Variants in STK40 observed in about 807,000 individuals in gnomAD.
STK40 encodes serine/threonine kinase 40.
STK40 carries 13 observed loss-of-function variants against 47.9 expected under a neutral mutation model. The ratio of observed to expected loss-of-function variants is 0.27; its 90% CI spans 0.18 to 0.43. STK40 has a LOEUF of 0.43. STK40 is among the 20% of genes least tolerant of loss of function. The probability of loss-of-function intolerance (pLI) is 1.00; values close to 1 mark genes in which losing one functional copy is unlikely to be tolerated. For synonymous variants in STK40, 225 were observed against 243.2 expected (o/e 0.93, Z 0.69); for missense variants, 460 against 595.1 (o/e 0.77, Z 2.36).
intron 1 of STK40, among the ~76,000 whole-genome samples, chr1:36,372,096 C>T (rs1646953280): frequency 1.3e-5 from 2 of 152,142 alleles, no homozygotes; most frequent in Admixed American, 1.3e-4. Context: ...TGGTTGAATC[C>T]ACAGACGTAG....
chr1:36,355,847 TTAGAA>T (rs1380909545), intron 4 of STK40, among the ~76,000 whole-genome samples: 1 of 152,128 alleles, frequency 6.6e-6, no homozygotes, highest in East Asian at 1.9e-4. Context: ...ATGGCGGAAG[TTAGAA>T]AGAGGTCAAT....
chr1:36,355,536 G>A (rs1405139336), intron 4 of STK40, 103 bp from the exon 5 acceptor site: 3 of 1,276,248 alleles, frequency 2.4e-6, no homozygotes, highest in South Asian at 2.5e-5. Flanking sequence ...ACCAGTGAGG[G>A]AGCCTGGAAT....
chr1:36,362,973 T>C (rs113259646), intron 1 of STK40, among the ~76,000 whole-genome samples: 1 of 152,260 alleles, frequency 6.6e-6, no homozygotes, highest in African/African-American at 2.4e-5. Flanking sequence ...CTGGCCAACA[T>C]GGTGAAACCC....
chr1:36,350,169 C>T (rs899994101), intron 6 of STK40, among the ~76,000 whole-genome samples: 2 of 152,214 alleles, frequency 1.3e-5, no homozygotes, highest in African/African-American at 4.8e-5. Context: ...TGTCAGCTGC[C>T]ATAGGAGTCT....
rs1646796261 is a variant in STK40, at chr1:36,355,533, A to G, written c.343-100T>C. On this transcript the variant is annotated intron_variant, in intron 4 of 10. Coordinates refer to ENST00000373132, the MANE Select transcript of STK40 (RefSeq NM_001282547.2). ...CTGGAGTGGGACACTCAAACCAGTG[A>G]GGGAGCCTGGAATTAGCCTGCATGT... The G allele has an allele frequency of 9.3e-6, 12 of 1,294,298 alleles. 1 individual carries two copies. In the South Asian group the frequency reaches 1.4e-4, roughly 15 times the overall value. The allele number at this position is 1,294,298 out of a possible 1,614,324, so 80.2% of individuals were successfully genotyped here.
intron 1 of STK40, chr1:36,368,066 T>C (rs1646916364): frequency 6.2e-6 from 1 of 162,218 alleles, no homozygotes; most frequent in Non-Finnish European, 1.3e-5. Context: ...CCGAAGGACA[T>C]AGCTTCTGGG....
chr1:36,361,311 T>C lies in STK40; in HGVS notation c.22A>G (p.Arg8Gly), dbSNP rs1187320072. The change falls in exon 2 of 11, where the codon AGA (arginine) becomes GGA (glycine). Residue 8 changes from arginine (R) to glycine (G), a missense_variant. Physicochemically the swap from Arg to Gly is moderately radical, Grantham distance 125. Around this residue, in one of 3 missense-constraint regions of STK40, gnomAD observed 277 missense variants for 358.7 expected, o/e 0.77. Coordinates refer to ENST00000373132, the MANE Select transcript of STK40 (RefSeq NM_001282547.2). MKRRASD[R>G]GAGETSARAK... is the part of the protein sequence containing the mutation. ...CTGGCCGACGTTTCCCCAGCTCCTC[T>C]GTCTGATGCTCTCCGCTTCATTCTC... is the stretch of plus-strand genomic sequence containing the variant. The C allele has an allele frequency of 6.2e-7, 1 of 1,614,250 alleles. No individual in the cohort carries two copies. Among genetic ancestry groups the C allele is most frequent in the East Asian group, 2.2e-5 (1 of 44,892 alleles).
At chr1:36,352,595 AG>A (rs1220571493) in intron 6 of STK40, among the ~76,000 whole-genome samples, 1 of 152,200 alleles carries the variant, frequency 6.6e-6, no homozygotes, top group Non-Finnish European at 1.5e-5. Context: ...CAGCCAGTCC[AG>A]GGTTCAAGCA....
chr1:36,378,156 A>AT (rs1257721924), intron 1 of STK40, among the ~76,000 whole-genome samples: 1 of 152,026 alleles, frequency 6.6e-6, no homozygotes, highest in Non-Finnish European at 1.5e-5. Flanking sequence ...GGCAGTTTCC[A>AT]TTTTTCAGGC....
At position 36,384,757 on chromosome 1, in the gene STK40, C is replaced by T. The variant is rs976110464; in HGVS notation, c.-9+966G>A. On this transcript the variant is annotated intron_variant, in intron 1 of 10. Transcript: ENST00000373132. ...AACCCAACCAACAACTTGCACAGCA[C>T]GGCCATTAGGAAGCACTAAAGGAGC... Among the ~76,000 whole-genome samples the T allele has an allele frequency of 4.6e-4, 70 of 152,222 alleles. 1 individual carries two copies. Among genetic ancestry groups the T allele is most frequent in the Non-Finnish European group, 2.9e-5 (2 of 68,034 alleles).
At chr1:36,356,096 G>C (rs1646801023) in intron 4 of STK40, among the ~76,000 whole-genome samples, 1 of 152,148 alleles carries the variant, frequency 6.6e-6, no homozygotes, top group Non-Finnish European at 1.5e-5. Context: ...CAGGTCTCTA[G>C]TTCCTCATCG....
intron 7 of STK40, among the ~76,000 whole-genome samples, chr1:36,346,259 G>T (rs1259397587): frequency 6.6e-6 from 1 of 152,012 alleles, no homozygotes; most frequent in East Asian, 1.9e-4. Flanking sequence ...CTCCCAAAAT[G>T]TTGGGATTAC....
At chr1:36,383,413 G>A (rs190041409) in intron 1 of STK40, among the ~76,000 whole-genome samples, 104 of 152,380 alleles carry the variant, frequency 6.8e-4, no homozygotes, top group African/African-American at 2.5e-3. Context: ...ACATGTGCCA[G>A]GCACTTCTGC....
At chr1:36,352,703 A>T (rs548417449) in intron 6 of STK40, among the ~76,000 whole-genome samples, 32 of 152,184 alleles carry the variant, frequency 2.1e-4, no homozygotes, top group African/African-American at 7.7e-4. Context: ...ATCCCAACTC[A>T]TCCTTCACGA....
At chr1:36,368,772 T>C (rs536426848) in intron 1 of STK40, among the ~76,000 whole-genome samples, 12 of 152,288 alleles carry the variant, frequency 7.9e-5, no homozygotes, top group Admixed American at 2.6e-4. Flanking sequence ...AAAGACATGA[T>C]TGGACAACTG....
chr1:36,365,571 C>T (rs1646894872), intron 1 of STK40, among the ~76,000 whole-genome samples: 1 of 152,216 alleles, frequency 6.6e-6, no homozygotes, highest in African/African-American at 2.4e-5. Flanking sequence ...GTGTCATTCA[C>T]ATAAAAGCAG....
Position 36,343,864 on chromosome 1 carries a change from A to G in STK40, c.1000T>C (p.Ser334Pro). Residue 334 changes from serine to proline, a missense_variant, in exon 9 of 11, where the codon TCA becomes CCA. This residue lies in a region of STK40 where 181 missense variants were observed against 218.9 expected (regional missense o/e 0.83). Coordinates refer to ENST00000373132, the MANE Select transcript of STK40 (RefSeq NM_001282547.2). ...GTCAAGTGCCTGTCCACTTACCATG[A>G]TGCAATGATGGCACTGAGGGCCTCC... The part of the protein sequence containing the change: ...VLEALSAIIA[S>P]WQSLSSLSGP... 1 of 1,591,274 alleles carries G rather than the reference A, an allele frequency of 6.3e-7. No individual in the cohort carries two copies. Among genetic ancestry groups the G allele is most frequent in the Non-Finnish European group, 8.6e-7 (1 of 1,164,520 alleles).
chr1:36,356,668 G>A (rs553654634), intron 4 of STK40, among the ~76,000 whole-genome samples: 14 of 151,876 alleles, frequency 9.2e-5, no homozygotes, highest in South Asian at 4.2e-4. Flanking sequence ...CTCATGATCC[G>A]CCCGCCTTAG....
intron 1 of STK40, among the ~76,000 whole-genome samples, chr1:36,375,568 G>C (rs1440524825): frequency 6.6e-6 from 1 of 151,982 alleles, no homozygotes; most frequent in Non-Finnish European, 1.5e-5. Flanking sequence ...CAGAGTGATA[G>C]AGAGGAAAGC....
Sources: gnomAD v4.1 joint callset for allele counts (sites outside exome capture counted in the v4.1 genomes callset) on GRCh38, gnomAD v4.1.1 for gene constraint, gnomAD v4.1.1 regional missense constraint, MANE v1.5 for transcripts, NCBI Gene and HGNC (gene_info 2026-07-23, HGNC 2026-07-21) for gene names.